The following LRP8 variants were observed in gnomAD, a reference collection of about 807,000 sequenced individuals.
The protein encoded by LRP8 is low-density lipoprotein receptor-related protein 8.
LRP8 carries 46 observed loss-of-function variants against 111.6 expected under a neutral mutation model. That is an observed-to-expected ratio of 0.41 (90% CI 0.33 to 0.53). The LOEUF (loss-of-function observed/expected upper bound fraction) is 0.53, where lower values mean the gene tolerates loss of function less well. LRP8 is among the 20% of genes least tolerant of loss of function. LRP8 has a pLI of 0.20. For synonymous variants in LRP8, 464 were observed against 511.2 expected (o/e 0.91, Z 1.24); for missense variants, 959 against 1,297.4 (o/e 0.74, Z 4.01).
rs1196676284 is a variant in LRP8, at chr1:53,250,260, A to T, written c.2676+430T>A. On this transcript the variant is annotated intron_variant, in intron 17 of 18. Coordinates refer to ENST00000306052, the MANE Select transcript of LRP8 (RefSeq NM_004631.5). The surrounding 1 kb of genome is among the most constrained non-coding windows in gnomAD (Gnocchi z 4.6). The stretch of plus-strand genomic sequence containing the variant: ...TATTGAAATGAATACATTTGAATTA[A>T]ATGGCCACAGTTACCCTTCCAGGCT... 1.3e-5 allele frequency among the ~76,000 whole-genome samples: 2 copies of T among 152,322 alleles called. No homozygotes were observed. Among genetic ancestry groups the T allele is most frequent in the East Asian group, 3.9e-4 (2 of 5,188 alleles).
intron 18 of LRP8, 28 bp from the exon 19 acceptor site, chr1:53,247,084 A>G (rs1470971137): frequency 1.3e-6 from 2 of 1,567,250 alleles, no homozygotes; most frequent in Non-Finnish European, 8.7e-7. Context: ...AGAATTCATC[A>G]TTAGATCCAT....
intron 2 of LRP8, among the ~76,000 whole-genome samples, chr1:53,291,428 CTCA>C (rs2100467215): frequency 6.6e-6 from 1 of 152,288 alleles, no homozygotes; most frequent in African/African-American, 2.4e-5. Context: ...TCTTCCCCTC[CTCA>C]TACTTCCCAA....
chr1:53,284,309 C>T (rs1647256841), intron 3 of LRP8, among the ~76,000 whole-genome samples: 1 of 151,994 alleles, frequency 6.6e-6, no homozygotes, highest in South Asian at 2.1e-4. Flanking sequence ...TTACTACATA[C>T]CTGGGCCACT....
chr1:53,327,627 G>A (rs535236174), intron 1 of LRP8, among the ~76,000 whole-genome samples, 162 bp downstream of exon 1: 2,070 of 152,290 alleles, frequency 0.014, 56 homozygotes, highest in African/African-American at 0.048. Context: ...GGGGGCGGGG[G>A]GCCGAGGGCA....
rs1453347986 is a variant in LRP8, at chr1:53,244,526, A to C, written c.*2492T>G. ...TTATTTACTGCCGTCCAACACATGA[A>C]TATATCACAATTTGTTTCTTGTAAA... On this transcript the variant is annotated 3_prime_UTR_variant, in exon 19 of 19. Coordinates refer to ENST00000306052, the MANE Select transcript of LRP8 (RefSeq NM_004631.5). The C allele has an allele frequency of 6.6e-6, 1 of 152,258 alleles. No homozygotes were observed. Among genetic ancestry groups the C allele is most frequent in the African/African-American group, 2.4e-5 (1 of 41,468 alleles). The allele number at this position is 152,258 out of a possible 1,614,324, so 9.4% of individuals were successfully genotyped here.
At chr1:53,288,240 G>A (rs1411986580) in intron 3 of LRP8, 1 of 152,126 alleles carries the variant, frequency 6.6e-6, no homozygotes, top group African/African-American at 2.4e-5. Flanking sequence ...CTTGGGCAAG[G>A]GGGAGAACTG....
In LRP8 at chr1:53,271,360, T is replaced by C; in HGVS notation, c.1007-14A>G. ...ACTCGTTCAGCCCTGGGGAGGGACA[T>C]GGGCTCCTGAAGGTCCAGGAGCCCA... On this transcript the variant is annotated splice_polypyrimidine_tract_variant and intron_variant, in intron 6 of 18. Coordinates refer to ENST00000306052, the MANE Select transcript of LRP8 (RefSeq NM_004631.5). The C allele has an allele frequency of 1.2e-6, 2 of 1,613,796 alleles. No homozygotes were observed. The highest frequency in any genetic ancestry group is 1.7e-6 in the Non-Finnish European group (2 of 1,179,950).
In LRP8 at chr1:53,276,687, CT is replaced by C; in HGVS notation, c.883+4del. 6.5e-7 allele frequency: 1 copy of C among 1,538,932 alleles called. No individual in the cohort carries two copies. The highest frequency in any genetic ancestry group is 8.7e-7 in the Non-Finnish European group (1 of 1,146,568). On this transcript the variant is annotated splice_donor_region_variant and intron_variant, in intron 5 of 18. Transcript: ENST00000306052. The stretch of plus-strand genomic sequence containing the variant: ...GCGGGGCTGGGCGGTATGGAGGGGG[CT>C]TACGGCAGTCGGCCTCGTCCGATTT...
At chr1:53,256,550 C>A (rs1426573967) in intron 15 of LRP8, among the ~76,000 whole-genome samples, 2 of 152,344 alleles carry the variant, frequency 1.3e-5, no homozygotes, top group East Asian at 3.9e-4. Context: ...TGTTGCCAAG[C>A]AGCTTGGTTT....
rs560899160 is a variant in LRP8 at position 53,255,622 on chromosome 1, T to C, written c.2435-437A>G. ...TGCCAGTATTGTTTTTTGTGAACTG[T>C]CTGTCCATCTGCATTATCAGATTAT... On this transcript the variant is annotated intron_variant, in intron 15 of 18. Transcript: ENST00000306052. Among the ~76,000 whole-genome samples, 3 of 152,304 alleles carry C rather than the reference T, an allele frequency of 2.0e-5. No individual in the cohort carries two copies. In the East Asian group the frequency reaches 5.8e-4, roughly 29 times the overall value.
At position 53,276,882 on chromosome 1, in the gene LRP8, C is replaced by G. The variant is rs1646939515; in HGVS notation, c.693G>C (p.Gln231His). The G allele has an allele frequency of 1.4e-6, 2 of 1,409,602 alleles. No homozygotes were observed. Among genetic ancestry groups the G allele is most frequent in the Non-Finnish European group, 1.8e-6 (2 of 1,084,746 alleles). 87.3% of individuals were successfully genotyped at this position (1,409,602 alleles called of 1,614,324 possible). Residue 231 changes from glutamine to histidine, a missense_variant, in exon 5 of 19, where the codon CAG becomes CAC. Gln to His is a conservative substitution (Grantham distance 24, BLOSUM62 0). This residue lies in a region of LRP8 where 819 missense variants were observed against 1,097.6 expected (regional missense o/e 0.75). Transcript: ENST00000306052. The part of the protein sequence containing the change: ...CIPERWVCDR[Q>H]FDCEDRSDEA... ...CGTCCGAGCGGTCCTCGCAGTCAAACTGGCGGTCGCAGACCCAGCGCTCCG... is the reference window on the plus strand; with the variant it reads ...CGTCCGAGCGGTCCTCGCAGTCAAAGTGGCGGTCGCAGACCCAGCGCTCCG...
rs1329082607 is a variant in LRP8, at chr1:53,303,210, C to T, written c.245-13521G>A. Among the ~76,000 whole-genome samples the T allele has an allele frequency of 1.3e-5, 2 of 152,188 alleles. No individual in the cohort carries two copies. The highest frequency in any genetic ancestry group is 4.8e-5 in the African/African-American group (2 of 41,438). On this transcript the variant is annotated intron_variant, in intron 2 of 18. Coordinates refer to ENST00000306052, the MANE Select transcript of LRP8 (RefSeq NM_004631.5). This position sits in a 1 kb window ranked among gnomAD's most constrained non-coding sequence, Gnocchi z 4.3. ...ACTTTGGGGAGAGCTGGGTTGCCTC[C>T]CCGTTCGAATGGGAGAGGGCCGGGG... is the stretch of plus-strand genomic sequence containing the variant.
intron 12 of LRP8, among the ~76,000 whole-genome samples, chr1:53,261,188 G>A (rs1356639055): frequency 1.3e-5 from 2 of 152,224 alleles, no homozygotes; most frequent in South Asian, 2.1e-4. Flanking sequence ...GTATATGTAT[G>A]TACACACATA....
intron 14 of LRP8, 161 bp downstream of exon 14, chr1:53,258,158 A>G: frequency 5.0e-6 from 3 of 594,978 alleles, no homozygotes; most frequent in Non-Finnish European, 5.6e-6. Context: ...GGGCATGAGC[A>G]TTCAAGGAAG....
In LRP8 at chr1:53,276,704, C is replaced by T; in HGVS notation, c.871G>A (p.Glu291Lys). ...GGAGGGGGCTTACGGCAGTCGGCCT[C>T]GTCCGATTTGTCTTTGCAGTCGCGG... ...GDRDCKDKSD[E>K]ADCPLGTCRG... The change falls in exon 5 of 19, where the codon GAG becomes AAG. Residue 291 changes from glutamate (E) to lysine (K), a missense_variant. Coordinates refer to ENST00000306052, the MANE Select transcript of LRP8 (RefSeq NM_004631.5). 1 of 1,538,438 alleles carries T rather than the reference C, an allele frequency of 6.5e-7. No homozygotes were observed. Among genetic ancestry groups the T allele is most frequent in the Non-Finnish European group, 8.7e-7 (1 of 1,146,090 alleles).
chr1:53,256,538 G>T (rs1037861166), intron 15 of LRP8, among the ~76,000 whole-genome samples: 1 of 152,230 alleles, frequency 6.6e-6, no homozygotes, highest in Non-Finnish European at 1.5e-5. Flanking sequence ...CAGTTAGGAA[G>T]ATGTTGCCAA....
intron 2 of LRP8, among the ~76,000 whole-genome samples, chr1:53,318,574 G>T (rs1388541227): frequency 6.6e-6 from 1 of 152,188 alleles, no homozygotes; most frequent in East Asian, 1.9e-4. Flanking sequence ...CAAGGATGGA[G>T]TTCAAGGATG....
rs1363135296 is a variant in LRP8 at position 53,249,504 on chromosome 1, G to A, written c.2729C>T (p.Thr910Ile). The A allele has an allele frequency of 1.9e-6, 3 of 1,613,010 alleles. No individual in the cohort carries two copies. The highest frequency in any genetic ancestry group is 2.5e-6 in the Non-Finnish European group (3 of 1,179,110). Residue 910 changes from threonine to isoleucine, a missense_variant, in exon 18 of 19, where the codon ACC becomes ATC. By Grantham distance (89) the Thr-to-Ile change is moderately conservative (BLOSUM62 -1). This residue lies in a region of LRP8 where 819 missense variants were observed against 1,097.6 expected (regional missense o/e 0.75). Transcript: ENST00000306052. This position sits in a 1 kb window ranked among gnomAD's most constrained non-coding sequence, Gnocchi z 4.1. ...PLWAEPCLGE[T>I]REPEDPAPAL... ...AGGGGCTGGGTCTTCCGGTTCTCTG[G>A]TCTCCCCAAGACAGGGCTCTGCCCA... is the stretch of plus-strand genomic sequence containing the variant.
At position 53,266,691 on chromosome 1, in the gene LRP8, G is replaced by C; in HGVS notation, c.1253-44C>G. ...GAAAGAGAAAGAGTCAGTGCAAGAG[G>C]CAGGGAGCCTGGAGACCAAGACTCT... is the stretch of plus-strand genomic sequence containing the variant. On this transcript the variant is annotated intron_variant, in intron 8 of 18. Transcript: ENST00000306052. This position sits in a 1 kb window ranked among gnomAD's most constrained non-coding sequence, Gnocchi z 5.0. The C allele has an allele frequency of 6.3e-7, 1 of 1,584,934 alleles. No homozygotes were observed. The highest frequency in any genetic ancestry group is 1.3e-5 in the African/African-American group (1 of 74,556).
Sources: allele counts gnomAD v4.1 joint callset (sites outside exome capture counted in the v4.1 genomes callset), GRCh38; gene constraint gnomAD v4.1.1; regional missense constraint gnomAD v4.1.1; non-coding constraint Gnocchi (gnomAD v3.1); transcripts MANE v1.5; gene names NCBI Gene and HGNC (gene_info 2026-07-23, HGNC 2026-07-21).